FAF1: variants seen among roughly 807,000 people sequenced by gnomAD.
FAF1 encodes Fas associated factor 1.
In FAF1, 25 loss-of-function variants were observed where a neutral mutation model predicts 92.5. The observed-to-expected ratio is 0.27, with a 90% CI of 0.20 to 0.38. The LOEUF is 0.38. FAF1 is among the 10% of genes least tolerant of loss of function. The probability of loss-of-function intolerance (pLI) is 1.00; values close to 1 mark genes in which losing one functional copy is unlikely to be tolerated. For missense variants in FAF1, 636 were observed against 793.3 expected (o/e 0.80, Z 2.38); for synonymous variants, 234 against 273.2 (o/e 0.86, Z 1.42).
intron 7 of FAF1, among the ~76,000 whole-genome samples, chr1:50,692,708 A>AT (rs1372033681): frequency 4.6e-5 from 7 of 152,162 alleles, no homozygotes; most frequent in African/African-American, 1.7e-4. Context: ...CATTGCTTCC[A>AT]TATCTTGCTT....
chr1:50,954,540 ATTTTTT>A (rs199964324), intron 1 of FAF1, among the ~76,000 whole-genome samples: 1 of 120,372 alleles, frequency 8.3e-6, no homozygotes, highest in African/African-American at 3.2e-5. Context: ...AAAAATTTTG[ATTTTTT>A]TTTTTTTTTT....
chr1:50,687,056 T>C (rs1053975416), intron 7 of FAF1, among the ~76,000 whole-genome samples: 6 of 152,130 alleles, frequency 3.9e-5, no homozygotes, highest in Non-Finnish European at 8.8e-5. Flanking sequence ...CTCGAACTCC[T>C]GACCTCAGGC....
At chr1:50,765,386 G>A (rs1390923211) in intron 4 of FAF1, among the ~76,000 whole-genome samples, 2 of 151,884 alleles carry the variant, frequency 1.3e-5, no homozygotes, top group African/African-American at 2.4e-5. Context: ...CTTTTTTCAA[G>A]GTCATTTGGA....
chr1:50,744,722 G>C lies in FAF1; in HGVS notation c.421C>G (p.Leu141Val), dbSNP rs1659518850. ...NELQIPVSKM[L>V]LKGWKTGDVE... ...TCTCCCGTCTTCCAGCCTTTTAACA[G>C]CATTTTGGACACAGGTATCTGAAGT... Residue 141 changes from leucine to valine, a missense_variant, in exon 5 of 19, where the codon CTG (leucine) becomes GTG (valine). Around this residue, in one of 2 missense-constraint regions of FAF1, gnomAD observed 317 missense variants for 342.4 expected, o/e 0.93. Coordinates refer to ENST00000396153, the MANE Select transcript of FAF1 (RefSeq NM_007051.3). 1 of 1,610,668 alleles carries C rather than the reference G, an allele frequency of 6.2e-7. No individual in the cohort carries two copies. The highest frequency in any genetic ancestry group is 8.5e-7 in the Non-Finnish European group (1 of 1,178,422).
At chr1:50,442,518 C>G (rs1646180862) in intron 18 of FAF1, among the ~76,000 whole-genome samples, 1 of 152,166 alleles carries the variant, frequency 6.6e-6, no homozygotes, top group Non-Finnish European at 1.5e-5. Context: ...GTGAGAGCAA[C>G]TGTAAAGATG....
intron 7 of FAF1, among the ~76,000 whole-genome samples, chr1:50,682,904 CA>C (rs748519397): frequency 7.3e-5 from 11 of 151,272 alleles, no homozygotes; most frequent in Non-Finnish European, 1.6e-4. Flanking sequence ...CCATACTGGC[CA>C]AATGGTGAAA....
chr1:50,896,587 T>A (rs1437131183), intron 1 of FAF1, among the ~76,000 whole-genome samples: 1 of 152,190 alleles, frequency 6.6e-6, no homozygotes, highest in Admixed American at 6.5e-5. Flanking sequence ...TGCAACAGAA[T>A]ATCACTCATC....
intron 9 of FAF1, among the ~76,000 whole-genome samples, chr1:50,593,004 G>A (rs923967884): frequency 2.0e-5 from 3 of 151,656 alleles, no homozygotes; most frequent in East Asian, 1.9e-4. Context: ...GAGTAGAACC[G>A]GAAGACAGCA....
Position 50,535,355 on chromosome 1 carries a change from C to A in FAF1, c.1494+14G>T. 3 of 1,549,200 alleles carry A rather than the reference C, an allele frequency of 1.9e-6. No individual in the cohort carries two copies. The highest frequency in any genetic ancestry group is 2.7e-6 in the Non-Finnish European group (3 of 1,123,492). ...ATCTCATCAAAATCCTATTAAAGAT[C>A]TGCATAACCTTACCTCGTCCTTTAT... On this transcript the variant is annotated intron_variant, in intron 15 of 18. Transcript: ENST00000396153.
chr1:50,763,318 TCTCTGG>T (rs151098462), intron 4 of FAF1, among the ~76,000 whole-genome samples: 2,097 of 152,238 alleles, frequency 0.014, 46 homozygotes, highest in African/African-American at 0.046. Context: ...TATCTTTGTT[TCTCTGG>T]CTCTGGCTGC....
intron 1 of FAF1, among the ~76,000 whole-genome samples, chr1:50,889,741 A>C (rs1459591459): frequency 1.3e-5 from 2 of 151,906 alleles, no homozygotes; most frequent in East Asian, 3.9e-4. Flanking sequence ...AGTTTGTTAT[A>C]ATTTCTGTTC....
At chr1:50,783,640 G>A (rs1661260608) in intron 4 of FAF1, among the ~76,000 whole-genome samples, 2 of 152,156 alleles carry the variant, frequency 1.3e-5, no homozygotes, top group Non-Finnish European at 2.9e-5. Context: ...CTGGGAGGCT[G>A]AGGTGGGCGG....
intron 4 of FAF1, among the ~76,000 whole-genome samples, chr1:50,769,798 C>T (rs1464634875): frequency 6.6e-6 from 1 of 152,170 alleles, no homozygotes; most frequent in Non-Finnish European, 1.5e-5. Context: ...CGTCTATGAT[C>T]CCAGCACTTT....
chr1:50,786,609 A>C (rs1020480931), intron 4 of FAF1, among the ~76,000 whole-genome samples: 1 of 152,238 alleles, frequency 6.6e-6, no homozygotes, highest in African/African-American at 2.4e-5. Context: ...AATAAAAAAC[A>C]ATCTACAGGA....
intron 8 of FAF1, among the ~76,000 whole-genome samples, chr1:50,640,462 T>G (rs1569650839): frequency 6.6e-6 from 1 of 151,730 alleles, no homozygotes; most frequent in Non-Finnish European, 1.5e-5. Flanking sequence ...CCAGCTACTT[T>G]TTTTTGTATT....
intron 2 of FAF1, among the ~76,000 whole-genome samples, chr1:50,825,206 C>T (rs1026129865): frequency 6.6e-6 from 1 of 152,080 alleles, no homozygotes; most frequent in East Asian, 1.9e-4. Context: ...CAAAATACCA[C>T]ATGCAACCCA....
At position 50,641,198 on chromosome 1, in the gene FAF1, T is replaced by C. The variant is rs542671081; in HGVS notation, c.744+14244A>G. ...TTTTCCTAATTTGTCTTTTATTTCATTGATTTTTTCTTATCTTTACTATGT... is the reference window on the plus strand; with the variant it reads ...TTTTCCTAATTTGTCTTTTATTTCACTGATTTTTTCTTATCTTTACTATGT... On this transcript the variant is annotated intron_variant, in intron 8 of 18. Transcript: ENST00000396153. Among the ~76,000 whole-genome samples the C allele has an allele frequency of 8.5e-5, 13 of 152,270 alleles. No homozygotes were observed. In the South Asian group the frequency reaches 1.0e-3, roughly 12 times the overall value.
intron 4 of FAF1, among the ~76,000 whole-genome samples, chr1:50,756,434 G>A (rs1322514747): frequency 1.3e-5 from 2 of 149,212 alleles, no homozygotes; most frequent in South Asian, 2.1e-4. Flanking sequence ...TCAGCATTTT[G>A]AGCAAAGCCA....
intron 1 of FAF1, among the ~76,000 whole-genome samples, chr1:50,925,184 C>T (rs181339555): frequency 6.6e-6 from 1 of 152,114 alleles, no homozygotes; most frequent in African/African-American, 2.4e-5. Context: ...TGAAACTAGA[C>T]CCCTATCTAT....
Sources: allele counts gnomAD v4.1 joint callset (sites outside exome capture counted in the v4.1 genomes callset), GRCh38; gene constraint gnomAD v4.1.1; regional missense constraint gnomAD v4.1.1; transcripts MANE v1.5; gene names NCBI Gene and HGNC (gene_info 2026-07-23, HGNC 2026-07-21).